Variants in GCC2 observed in about 807,000 individuals in gnomAD.
The protein encoded by GCC2 is GRIP and coiled-coil domain-containing protein 2.
A neutral mutation model predicts 210.6 loss-of-function variants in GCC2; 120 were observed. The ratio of observed to expected loss-of-function variants is 0.57; its 90% CI spans 0.49 to 0.66. The LOEUF is 0.66. Among genes scored for constraint, GCC2 ranks in the 30% least tolerant of loss-of-function variants. The probability of loss-of-function intolerance (pLI) is 0.00; values close to 1 mark genes in which losing one functional copy is unlikely to be tolerated. For missense variants in GCC2, 1,868 were observed against 1,871.9 expected, an observed-to-expected ratio of 1.00 and a Z score of 0.04; for synonymous variants, 703 against 652.7, an observed-to-expected ratio of 1.08 and a Z score of -1.17.
At chr2:108,493,326 G>A in intron 19 of GCC2, 1 of 724,172 alleles carries the variant, frequency 1.4e-6, no homozygotes, top group Non-Finnish European at 1.7e-6. Context: ...CTGACCTCGT[G>A]ATCCACCCGC....
intron 4 of GCC2, among the ~76,000 whole-genome samples, chr2:108,458,184 C>T (rs1018399896): frequency 2.6e-5 from 4 of 152,016 alleles, no homozygotes; most frequent in African/African-American, 9.7e-5. Context: ...TGACATACGA[C>T]TTTTGCCCTT....
intron 17 of GCC2, among the ~76,000 whole-genome samples, chr2:108,488,477 T>G (rs1352840005): frequency 6.6e-6 from 1 of 152,214 alleles, no homozygotes; most frequent in Non-Finnish European, 1.5e-5. Context: ...TTTGAAAATT[T>G]AGAAGTAAAA....
At chr2:108,506,243 A>G (rs1418438521) in intron 22 of GCC2, among the ~76,000 whole-genome samples, 1 of 152,256 alleles carries the variant, frequency 6.6e-6, no homozygotes, top group Non-Finnish European at 1.5e-5. Flanking sequence ...TCAACTGGCA[A>G]ATGAATAAAC....
chr2:108,476,723 T>C (rs1215194910), intron 9 of GCC2, among the ~76,000 whole-genome samples: 3 of 152,198 alleles, frequency 2.0e-5, no homozygotes, highest in Non-Finnish European at 4.4e-5. Flanking sequence ...GCAAATGTTA[T>C]GTGGCAGACT....
chr2:108,480,275 T>C (rs867273822), intron 9 of GCC2, among the ~76,000 whole-genome samples: 32 of 152,182 alleles, frequency 2.1e-4, no homozygotes, highest in Admixed American at 1.8e-3. Flanking sequence ...GCTGGTAAGG[T>C]TGCAGAGAAA....
chr2:108,506,268 A>C (rs1683180543), intron 22 of GCC2, among the ~76,000 whole-genome samples: 1 of 152,256 alleles, frequency 6.6e-6, no homozygotes, highest in Non-Finnish European at 1.5e-5. Flanking sequence ...ACAGCCATGC[A>C]ATTGAATACT....
Position 108,471,634 on chromosome 2 carries a change from G to T in GCC2, c.2305G>T (p.Glu769Ter). The T allele has an allele frequency of 6.2e-7, 1 of 1,613,538 alleles. No individual in the cohort carries two copies. Among genetic ancestry groups the T allele is most frequent in the Non-Finnish European group, 8.5e-7 (1 of 1,179,546 alleles). Residue 769 changes from glutamate (E) to a stop codon, truncating the protein, a stop_gained, in exon 6 of 23, where the codon GAA becomes TAA. Transcript: ENST00000309863. LOFTEE classifies it high-confidence loss of function. The stretch of plus-strand genomic sequence containing the variant: ...TGGTTTTCTTAAAGAAATGGGATCA[G>T]AAGTTTCAGAAGACAGTGAAGAGAA... ...LYGFLKEMGS[E>*]VSEDSEEKDV...
intron 17 of GCC2, 57 bp from the exon 18 acceptor site, chr2:108,489,781 C>A: frequency 1.6e-6 from 2 of 1,232,262 alleles, no homozygotes; most frequent in South Asian, 1.5e-5. Context: ...TATTTAAAAC[C>A]ACAAAATCAA....
chr2:108,487,750 C>A lies in GCC2; in HGVS notation c.3982C>A (p.His1328Asn). The stretch of plus-strand genomic sequence containing the variant: ...ATTCGAGAGCTACAAAGTCCGAGTT[C>A]ATAATGTTCTAAAACAACAGAAAAA... ...SEFESYKVRV[H>N]NVLKQQKNKS... The change falls in exon 17 of 23, where the codon CAT becomes AAT. Residue 1328 changes from histidine to asparagine, a missense_variant. By Grantham distance (68) the His-to-Asn change is moderately conservative. Coordinates refer to ENST00000309863, the MANE Select transcript of GCC2 (RefSeq NM_181453.4). 6.2e-7 allele frequency: 1 copy of A among 1,613,132 alleles called. No homozygotes were observed. Among genetic ancestry groups the A allele is most frequent in the South Asian group, 1.1e-5 (1 of 91,052 alleles).
chr2:108,477,179 T>C (rs868674712), intron 9 of GCC2, among the ~76,000 whole-genome samples: 1 of 152,020 alleles, frequency 6.6e-6, no homozygotes, highest in Non-Finnish European at 1.5e-5. Flanking sequence ...AAGAAAAAAG[T>C]GACATCCTAC....
At chr2:108,487,545 G>C (rs1331346003) in intron 16 of GCC2, among the ~76,000 whole-genome samples, 154 bp from the exon 17 acceptor site, 2 of 152,146 alleles carry the variant, frequency 1.3e-5, no homozygotes, top group African/African-American at 4.8e-5. Flanking sequence ...ACAGAAGTAT[G>C]CTTTTTAGCA....
intron 4 of GCC2, among the ~76,000 whole-genome samples, chr2:108,460,096 CCA>C (rs1680486655): frequency 6.6e-6 from 1 of 152,072 alleles, no homozygotes; most frequent in Non-Finnish European, 1.5e-5. Context: ...GGTGATCCAC[CCA>C]TCTCAGCTTT....
At chr2:108,484,729 GT>G (rs1381629681) in intron 13 of GCC2, 5 of 152,998 alleles carry the variant, frequency 3.3e-5, no homozygotes, top group African/African-American at 1.2e-4. Flanking sequence ...TCAGATAGTT[GT>G]AGGTATGCGG....
intron 9 of GCC2, among the ~76,000 whole-genome samples, 157 bp downstream of exon 9, chr2:108,476,007 T>C (rs1430548939): frequency 6.6e-6 from 1 of 150,456 alleles, no homozygotes; most frequent in African/African-American, 2.4e-5. Flanking sequence ...TGTAATAGAA[T>C]CCTAATATCA....
Position 108,507,434 on chromosome 2 carries a change from T to A in GCC2, c.4985-126T>A. ...CCCCCCCCAAAAAAAAGGCATGTAA[T>A]CAGTAAAAAACACATTATTTGCTTA... On this transcript the variant is annotated intron_variant, in intron 22 of 22. Transcript: ENST00000309863. The A allele has an allele frequency of 1.4e-4, 45 of 315,730 alleles. 1 individual carries two copies. Among genetic ancestry groups the A allele is most frequent in the South Asian group, 7.2e-4 (20 of 27,834 alleles). The allele number at this position is 315,730 out of a possible 1,614,324, so 19.6% of individuals were successfully genotyped here. A position where few individuals can be genotyped will look rare whatever the true frequency, so the allele number is the denominator to read the frequency against.
intron 9 of GCC2, among the ~76,000 whole-genome samples, chr2:108,481,193 T>C (rs1681833856): frequency 6.6e-6 from 1 of 152,228 alleles, no homozygotes; most frequent in East Asian, 1.9e-4. Context: ...TCAGGAAATA[T>C]TGAAAGTGTC....
intron 14 of GCC2, 25 bp from the exon 15 acceptor site, chr2:108,485,805 AT>A: frequency 6.6e-7 from 1 of 1,503,926 alleles, no homozygotes; most frequent in Non-Finnish European, 9.1e-7. Context: ...ATTAAAAAAA[AT>A]TTAACCAAGA....
intron 4 of GCC2, 111 bp from the exon 5 acceptor site, chr2:108,468,869 A>T: frequency 2.9e-6 from 2 of 694,006 alleles, no homozygotes; most frequent in Non-Finnish European, 5.2e-6. Context: ...TCTACCTTTT[A>T]AAATCTCTTA....
intron 4 of GCC2, among the ~76,000 whole-genome samples, chr2:108,454,828 T>G (rs186674121): frequency 1.8e-4 from 28 of 152,282 alleles, no homozygotes; most frequent in African/African-American, 6.0e-4. Context: ...TAGAACTGGG[T>G]TGGTCACATA....
Sources: gnomAD v4.1 joint callset for allele counts (sites outside exome capture counted in the v4.1 genomes callset) on GRCh38, gnomAD v4.1.1 for gene constraint, MANE v1.5 for transcripts, NCBI Gene and HGNC (gene_info 2026-07-23, HGNC 2026-07-21) for gene names.